ILKAP: variants seen among roughly 807,000 people sequenced by gnomAD.
ILKAP encodes integrin-linked kinase-associated serine/threonine phosphatase 2C.
A neutral mutation model predicts 49.1 loss-of-function variants in ILKAP; 11 were observed. That is an observed-to-expected ratio of 0.22 (90% CI 0.14 to 0.37). The LOEUF is 0.37. ILKAP is among the 10% of genes least tolerant of loss of function. The pLI, the probability that ILKAP is intolerant of heterozygous loss-of-function variation, is 1.00. For synonymous variants in ILKAP, 186 were observed against 192.8 expected (o/e 0.96, Z 0.29); for missense variants, 363 against 510.8 (o/e 0.71, Z 2.79).
At chr2:238,174,922 G>A (rs371109596) in intron 9 of ILKAP, among the ~76,000 whole-genome samples, 1 of 152,040 alleles carries the variant, frequency 6.6e-6, no homozygotes, top group East Asian at 1.9e-4. Flanking sequence ...TGTGGCTTCC[G>A]GCCATCCCAG....
chr2:238,183,771 C>T (rs1398309748), intron 7 of ILKAP, 31 bp from the exon 8 acceptor site: 2 of 1,506,326 alleles, frequency 1.3e-6, no homozygotes, highest in Non-Finnish European at 1.8e-6. Context: ...AACACAGTCA[C>T]CACCAATAGC....
chr2:238,190,415 G>A (rs541031083), intron 3 of ILKAP, among the ~76,000 whole-genome samples: 1 of 152,196 alleles, frequency 6.6e-6, no homozygotes, highest in Non-Finnish European at 1.5e-5. Flanking sequence ...TTTAAGAACT[G>A]TAATACATCC....
intron 8 of ILKAP, among the ~76,000 whole-genome samples, chr2:238,182,624 C>A (rs1291345626): frequency 6.6e-6 from 1 of 152,212 alleles, no homozygotes; most frequent in African/African-American, 2.4e-5. Context: ...CACACCAGTG[C>A]CTCCAGGTGT....
intron 10 of ILKAP, 41 bp downstream of exon 10, chr2:238,173,493 C>A (rs1693316344): frequency 1.9e-6 from 3 of 1,590,280 alleles, no homozygotes; most frequent in Admixed American, 1.7e-5. Context: ...AGAAATAAAC[C>A]CACATGCACA....
At chr2:238,191,197 C>T (rs1056010886) in intron 3 of ILKAP, among the ~76,000 whole-genome samples, 3 of 151,030 alleles carry the variant, frequency 2.0e-5, no homozygotes, top group Admixed American at 6.6e-5. Flanking sequence ...CGCCCAGGCT[C>T]GAGTGCAGTG....
chr2:238,174,509 A>G (rs781202007), intron 9 of ILKAP, among the ~76,000 whole-genome samples: 2 of 152,174 alleles, frequency 1.3e-5, no homozygotes, highest in African/African-American at 4.8e-5. Flanking sequence ...TAAGATCACC[A>G]CGGGGCTCCC....
intron 8 of ILKAP, among the ~76,000 whole-genome samples, chr2:238,183,000 G>A (rs552500574): frequency 7.9e-5 from 12 of 152,286 alleles, no homozygotes; most frequent in African/African-American, 2.6e-4. Flanking sequence ...TCCTGTGACT[G>A]CCTAGGGAGC....
chr2:238,177,125 T>C (rs1346106591), intron 9 of ILKAP, among the ~76,000 whole-genome samples: 2 of 152,204 alleles, frequency 1.3e-5, no homozygotes, highest in Admixed American at 6.5e-5. Context: ...CACTGCTACA[T>C]AGCTACCTTC....
intron 1 of ILKAP, among the ~76,000 whole-genome samples, chr2:238,200,361 T>C (rs751681837): frequency 4.6e-5 from 7 of 152,056 alleles, no homozygotes; most frequent in African/African-American, 7.2e-5. Context: ...ATTTAAGAGG[T>C]TTAGGGGTGG....
chr2:238,201,791 C>T (rs1694580037), intron 1 of ILKAP, among the ~76,000 whole-genome samples: 3 of 149,046 alleles, frequency 2.0e-5, no homozygotes, highest in Admixed American at 7.0e-5. Flanking sequence ...AGAAATTATA[C>T]TCCATTGACA....
Position 238,185,248 on chromosome 2 carries a change from T to C in ILKAP, c.465A>G (p.Gly155=). 4 of 1,613,574 alleles carry C rather than the reference T, an allele frequency of 2.5e-6. No individual in the cohort carries two copies. Among genetic ancestry groups the C allele is most frequent in the Non-Finnish European group, 3.4e-6 (4 of 1,179,528 alleles). ...VSYFAVFDGH[G]GIRASKFAAQ... is the part of the protein sequence containing the mutation. ...CAGCAAATTTTGAGGCTCGAATTCC[T>C]CCATGTCCATCAAAAACAGCAAAAT... is the stretch of plus-strand genomic sequence containing the variant. The change falls in exon 6 of 12, where the codon GGA becomes GGG. Residue 155 remains glycine (G), a synonymous_variant. Coordinates refer to ENST00000254654, the MANE Select transcript of ILKAP (RefSeq NM_030768.3).
intron 1 of ILKAP, among the ~76,000 whole-genome samples, chr2:238,195,235 C>G (rs2106340172): frequency 6.6e-6 from 1 of 152,126 alleles, no homozygotes. Flanking sequence ...GATTCTAGAC[C>G]AGGAAAACAA....
At position 238,189,816 on chromosome 2, in the gene ILKAP, G is replaced by T. The variant is rs1022457376; in HGVS notation, c.298+37C>A. ...TTTGCTCTGGGTTGTTTTAAAATATGAAGTCTAATACATTTGTTTTCAAAT... is the reference window on the plus strand; with the variant it reads ...TTTGCTCTGGGTTGTTTTAAAATATTAAGTCTAATACATTTGTTTTCAAAT... On this transcript the variant is annotated intron_variant, in intron 4 of 11. Transcript: ENST00000254654. 8 of 1,596,186 alleles carry T rather than the reference G, an allele frequency of 5.0e-6. No homozygotes were observed. In the African/African-American group the frequency reaches 1.1e-4, roughly 22 times the overall value.
At chr2:238,188,458 A>G (rs1441095608) in intron 4 of ILKAP, 20 of 561,002 alleles carry the variant, frequency 3.6e-5, no homozygotes, top group South Asian at 3.3e-4. Context: ...GGACAGGGTG[A>G]GCTCTAAGAG....
intron 10 of ILKAP, among the ~76,000 whole-genome samples, chr2:238,171,766 ACTGCACAG>A (rs1270645330): frequency 7.9e-5 from 12 of 152,206 alleles, no homozygotes; most frequent in Non-Finnish European, 1.6e-4. Flanking sequence ...TTGGGCACAC[ACTGCACAG>A]CTTGGGGCTG....
chr2:238,186,307 A>G (rs1228241142), intron 5 of ILKAP: 3 of 152,244 alleles, frequency 2.0e-5, no homozygotes, highest in Non-Finnish European at 4.4e-5. Context: ...GTATTTAAAC[A>G]TACCTAAACA....
At chr2:238,203,365 G>T (rs1559305001) in intron 1 of ILKAP, 134 bp downstream of exon 1, 1 of 235,168 alleles carries the variant, frequency 4.3e-6, no homozygotes, top group Non-Finnish European at 7.4e-6. Context: ...TGGCCAGGCA[G>T]GAGCAGGCCC....
At chr2:238,189,782 G>A in intron 4 of ILKAP, 71 bp downstream of exon 4, 2 of 1,431,784 alleles carry the variant, frequency 1.4e-6, no homozygotes, top group Admixed American at 1.9e-5. Flanking sequence ...TTAGAAAGCT[G>A]AAACTGGTTT....
intron 3 of ILKAP, among the ~76,000 whole-genome samples, chr2:238,192,690 A>G (rs367941393): frequency 1.1e-4 from 15 of 136,776 alleles, no homozygotes; most frequent in South Asian, 5.1e-4. Context: ...ACAGAGAGAG[A>G]GACAGTCTCA....
Sources: allele counts gnomAD v4.1 joint callset (sites outside exome capture counted in the v4.1 genomes callset), GRCh38; gene constraint gnomAD v4.1.1; transcripts MANE v1.5; gene names NCBI Gene and HGNC (gene_info 2026-07-23, HGNC 2026-07-21).